The following CFAP251 variants were observed in gnomAD, a reference collection of about 807,000 sequenced individuals.
CFAP251 encodes the protein cilia- and flagella-associated protein 251.
CFAP251 carries 93 observed loss-of-function variants against 126.7 expected under a neutral mutation model. The ratio of observed to expected loss-of-function variants is 0.73; its 90% CI spans 0.62 to 0.87. The LOEUF is 0.87. Ranked by LOEUF, CFAP251 falls within the 40% of genes least tolerant of loss-of-function variation. The probability of loss-of-function intolerance (pLI) is 0.00; values close to 1 mark genes in which losing one functional copy is unlikely to be tolerated. For missense variants in CFAP251, 1,287 were observed against 1,389.2 expected (o/e 0.93, Z 1.17); for synonymous variants, 503 against 506.9 (o/e 0.99, Z 0.10).
intron 19 of CFAP251, among the ~76,000 whole-genome samples, chr12:121,978,115 G>A (rs1182729435): frequency 6.6e-6 from 1 of 151,198 alleles, no homozygotes; most frequent in Non-Finnish European, 1.5e-5. Context: ...CTCCAAGGCC[G>A]GGCGCGGTGG....
At chr12:121,964,272 G>A (rs760368894) in intron 15 of CFAP251, among the ~76,000 whole-genome samples, 8 of 152,140 alleles carry the variant, frequency 5.3e-5, no homozygotes, top group Non-Finnish European at 1.2e-4. Context: ...TTCCTTAAAC[G>A]ATTAAAACAC....
chr12:121,980,003 C>G (rs948356231), intron 19 of CFAP251, among the ~76,000 whole-genome samples: 2 of 152,230 alleles, frequency 1.3e-5, no homozygotes, highest in Non-Finnish European at 2.9e-5. Context: ...TGGGAAGGGT[C>G]TCTCTCTTTA....
At chr12:121,952,178 G>T (rs1169071) in intron 9 of CFAP251, among the ~76,000 whole-genome samples, 53,167 of 146,490 alleles carry the variant, frequency 0.36, 10,842 homozygotes, top group Non-Finnish European at 0.47. Context: ...GAGGTGAGAG[G>T]ATCACTTGAG....
chr12:121,925,754 T>G (rs1880383450), intron 3 of CFAP251, among the ~76,000 whole-genome samples: 1 of 152,224 alleles, frequency 6.6e-6, no homozygotes, highest in Non-Finnish European at 1.5e-5. Flanking sequence ...AAGTTTTGGG[T>G]CTCGCTTAGC....
intron 7 of CFAP251, 30 bp downstream of exon 7, chr12:121,943,005 A>C: frequency 6.2e-7 from 1 of 1,611,984 alleles, no homozygotes; most frequent in Non-Finnish European, 8.5e-7. Flanking sequence ...GTAAACATCA[A>C]CCTGAAGTTA....
intron 1 of CFAP251, among the ~76,000 whole-genome samples, chr12:121,919,273 T>C (rs1227608632): frequency 2.0e-5 from 3 of 152,140 alleles, no homozygotes; most frequent in South Asian, 2.1e-4. Flanking sequence ...AGTTCTCTTA[T>C]TCTAATGTCA....
chr12:121,959,422 G>A lies in CFAP251; in HGVS notation c.2133+328G>A, dbSNP rs185304598. ...AGGTATGTTGGTCTGCCTTTATGTT[G>A]GGAGGGAAAAGCAGTGGTCTTCGCT... On this transcript the variant is annotated intron_variant, in intron 13 of 21. Coordinates refer to ENST00000288912, the MANE Select transcript of CFAP251 (RefSeq NM_144668.6). 356 of 205,482 alleles carry A rather than the reference G, an allele frequency of 1.7e-3. 1 individual carries two copies. Among genetic ancestry groups the A allele is most frequent in the African/African-American group, 7.7e-3 (334 of 43,124 alleles). 12.7% of individuals were successfully genotyped at this position (205,482 alleles called of 1,614,324 possible).
chr12:121,962,833 C>T (rs572353816), intron 15 of CFAP251, among the ~76,000 whole-genome samples: 8 of 152,070 alleles, frequency 5.3e-5, no homozygotes, highest in South Asian at 2.1e-4. Flanking sequence ...GGCTGCTGTG[C>T]GGTTGGAGGA....
intron 16 of CFAP251, 38 bp downstream of exon 16, chr12:121,967,107 CTG>C (rs1446316763): frequency 6.4e-7 from 1 of 1,569,862 alleles, no homozygotes. Flanking sequence ...GGAGTTGACT[CTG>C]TGTGTCATGA....
intron 18 of CFAP251, 56 bp from the exon 19 acceptor site, chr12:121,975,486 G>A (rs1382177703): frequency 3.8e-6 from 6 of 1,599,942 alleles, no homozygotes; most frequent in Admixed American, 3.5e-5. Flanking sequence ...AGTGTTCATG[G>A]ATGCTTCAGA....
At chr12:121,934,770 C>G (rs1260130831) in intron 5 of CFAP251, among the ~76,000 whole-genome samples, 5 of 152,178 alleles carry the variant, frequency 3.3e-5, no homozygotes, top group African/African-American at 1.2e-4. Context: ...TGCTGTTTCT[C>G]TGCAGTCTCT....
chr12:121,935,108 T>A (rs1880840102), intron 5 of CFAP251, among the ~76,000 whole-genome samples: 1 of 152,156 alleles, frequency 6.6e-6, no homozygotes, highest in Non-Finnish European at 1.5e-5. Flanking sequence ...AGCCTCTTTT[T>A]AAATATTTTA....
At chr12:121,948,326 G>A in intron 7 of CFAP251, 1 of 152,126 alleles carries the variant, frequency 6.6e-6, no homozygotes, top group East Asian at 1.9e-4. Flanking sequence ...TTATCTAAAA[G>A]GATACAGAAT....
rs2135810733 is a variant in CFAP251, at chr12:121,989,102, T to C, written c.3007-10614T>C. Among the ~76,000 whole-genome samples the C allele has an allele frequency of 6.6e-6, 1 of 152,250 alleles. No individual in the cohort carries two copies. Among genetic ancestry groups the C allele is most frequent in the Non-Finnish European group, 1.5e-5 (1 of 68,006 alleles). ...TAGGGTGCATGAGGCAGGATCAGGA[T>C]TTTAGAGAGCTGTGGACACAGAATT... On this transcript the variant is annotated intron_variant, in intron 19 of 21. Coordinates refer to ENST00000288912, the MANE Select transcript of CFAP251 (RefSeq NM_144668.6). This position sits in a 1 kb window ranked among gnomAD's most constrained non-coding sequence, Gnocchi z 4.2.
chr12:121,975,863 T>C (rs535628657), intron 19 of CFAP251, among the ~76,000 whole-genome samples, 178 bp downstream of exon 19: 6 of 152,288 alleles, frequency 3.9e-5, no homozygotes, highest in Non-Finnish European at 5.9e-5. Flanking sequence ...GGTAGAGATA[T>C]GCTGTTTCTG....
At chr12:122,000,640 T>A (rs1883128250) in intron 20 of CFAP251, among the ~76,000 whole-genome samples, 1 of 152,206 alleles carries the variant, frequency 6.6e-6, no homozygotes, top group African/African-American at 2.4e-5. Context: ...GTAAACTTTT[T>A]AATTTTTACC....
intron 1 of CFAP251, 127 bp from the exon 2 acceptor site, chr12:121,921,159 C>A: frequency 9.2e-7 from 1 of 1,091,476 alleles, no homozygotes; most frequent in Non-Finnish European, 1.3e-6. Context: ...AGAAACATGA[C>A]ATTCTTTTTA....
rs372651110 is a variant in CFAP251 at position 121,987,084 on chromosome 12, G to A, written c.3006+11399G>A. Among the ~76,000 whole-genome samples the A allele has an allele frequency of 7.2e-5, 11 of 152,328 alleles. No individual in the cohort carries two copies. The East Asian group carries it at 1.2e-3, about 16-fold the overall frequency. ...GTTCAGCCTCACCCATAACGAGGGG[G>A]GTAATTTGAGCCAAGAAGCACAGGG... On this transcript the variant is annotated intron_variant, in intron 19 of 21. Transcript: ENST00000288912.
At chr12:121,938,633 C>G (rs2135759179) in intron 5 of CFAP251, among the ~76,000 whole-genome samples, 1 of 147,938 alleles carries the variant, frequency 6.8e-6, no homozygotes, top group East Asian at 2.1e-4. Flanking sequence ...CCCGGCTCAT[C>G]TGTTTAATTT....
Sources: gnomAD v4.1 joint callset for allele counts (sites outside exome capture counted in the v4.1 genomes callset) on GRCh38, gnomAD v4.1.1 for gene constraint, Gnocchi (gnomAD v3.1) non-coding constraint, MANE v1.5 for transcripts, NCBI Gene and HGNC (gene_info 2026-07-23, HGNC 2026-07-21) for gene names.